Variants in GLIPR2 observed in about 807,000 individuals in gnomAD.
GLIPR2 encodes GLI pathogenesis related 2.
Under a neutral mutation model 20.4 loss-of-function variants are expected in GLIPR2, and 21 were observed. The observed-to-expected ratio is 1.03, with a 90% confidence interval of 0.73 to 1.48. The LOEUF (loss-of-function observed/expected upper bound fraction) is 1.48, where lower values mean the gene tolerates loss of function less well. GLIPR2 is among the 40% of genes most tolerant of loss of function. The pLI is 0.00. For missense variants in GLIPR2, 205 were observed against 200.1 expected (o/e 1.02, Z -0.15); for synonymous variants, 91 against 80.5 (o/e 1.13, Z -0.70).
At chr9:36,155,443 A>G (rs942015702) in intron 4 of GLIPR2, among the ~76,000 whole-genome samples, 1 of 152,082 alleles carries the variant, frequency 6.6e-6, no homozygotes, top group Non-Finnish European at 1.5e-5. Context: ...AAAATACAAA[A>G]ATTAGCCGGA....
intron 1 of GLIPR2, among the ~76,000 whole-genome samples, chr9:36,140,990 G>T (rs564168184): frequency 8.5e-4 from 129 of 152,316 alleles, no homozygotes; most frequent in African/African-American, 3.1e-3. Context: ...GTAAAGGCAG[G>T]GCAGGAGGGG....
At chr9:36,156,681 G>A (rs538000806) in intron 4 of GLIPR2, among the ~76,000 whole-genome samples, 4 of 152,298 alleles carry the variant, frequency 2.6e-5, no homozygotes, top group African/African-American at 9.6e-5. Flanking sequence ...ATTACTGCCT[G>A]AGCTCCGCCT....
At chr9:36,140,489 G>C (rs1165228324) in intron 1 of GLIPR2, among the ~76,000 whole-genome samples, 1 of 152,138 alleles carries the variant, frequency 6.6e-6, no homozygotes, top group Non-Finnish European at 1.5e-5. Flanking sequence ...ACACAGATGG[G>C]AAACCTGGGG....
intron 4 of GLIPR2, 137 bp from the exon 5 acceptor site, chr9:36,162,225 C>A: frequency 6.3e-7 from 1 of 1,575,720 alleles, no homozygotes; most frequent in East Asian, 2.3e-5. Flanking sequence ...CTCTCCTTCC[C>A]CTGCAGGGGG....
At chr9:36,153,711 G>T (rs1825702343) in intron 4 of GLIPR2, among the ~76,000 whole-genome samples, 2 of 151,956 alleles carry the variant, frequency 1.3e-5, no homozygotes, top group African/African-American at 4.8e-5. Context: ...GATCAGCCTG[G>T]CCAACATGGT....
intron 4 of GLIPR2, among the ~76,000 whole-genome samples, chr9:36,152,016 G>A (rs1207074069): frequency 3.3e-5 from 5 of 152,190 alleles, no homozygotes; most frequent in South Asian, 4.1e-4. Context: ...GAAGTGACAC[G>A]TTCTCAGCGC....
chr9:36,138,505 G>A (rs1159199843), intron 1 of GLIPR2, among the ~76,000 whole-genome samples: 1 of 152,110 alleles, frequency 6.6e-6, no homozygotes, highest in African/African-American at 2.4e-5. Context: ...TTACAGGTGC[G>A]CCCAGCCTAG....
At chr9:36,141,810 C>T (rs538893716) in intron 1 of GLIPR2, 49 of 453,868 alleles carry the variant, frequency 1.1e-4, no homozygotes, top group Non-Finnish European at 1.9e-4. Context: ...TGGGTCACCA[C>T]GCATGGCTAA....
At chr9:36,149,027 C>T (rs543988588) in intron 3 of GLIPR2, among the ~76,000 whole-genome samples, 3 of 152,256 alleles carry the variant, frequency 2.0e-5, no homozygotes, top group Non-Finnish European at 4.4e-5. Flanking sequence ...ATTTTCTTCC[C>T]GAGAAATTTT....
intron 1 of GLIPR2, among the ~76,000 whole-genome samples, chr9:36,146,537 C>T (rs1825333926): frequency 6.6e-6 from 1 of 152,156 alleles, no homozygotes; most frequent in African/African-American, 2.4e-5. Flanking sequence ...AGGCACAATT[C>T]CCCCAGAGAC....
intron 1 of GLIPR2, among the ~76,000 whole-genome samples, chr9:36,142,994 A>T (rs1825154320): frequency 6.6e-6 from 1 of 152,060 alleles, no homozygotes; most frequent in Non-Finnish European, 1.5e-5. Context: ...CTGGCTCAGG[A>T]GCCTGGCGTT....
chr9:36,153,224 C>T (rs764039802), intron 4 of GLIPR2, among the ~76,000 whole-genome samples: 3 of 152,116 alleles, frequency 2.0e-5, no homozygotes, highest in South Asian at 2.1e-4. Context: ...TCATGCCTTC[C>T]GTCCCTGATC....
At chr9:36,142,008 G>A (rs187111399) in intron 1 of GLIPR2, 1 of 391,412 alleles carries the variant, frequency 2.6e-6, no homozygotes, top group South Asian at 1.8e-5. Context: ...TAGCAGCTCT[G>A]ACCTTTATTT....
chr9:36,137,850 G>A (rs978837004), intron 1 of GLIPR2, among the ~76,000 whole-genome samples: 3 of 152,254 alleles, frequency 2.0e-5, no homozygotes, highest in African/African-American at 7.2e-5. Context: ...TCCAAGATCT[G>A]GACTCAGGAG....
chr9:36,139,027 G>A (rs58955585), intron 1 of GLIPR2, among the ~76,000 whole-genome samples: 2,461 of 152,134 alleles, frequency 0.016, 72 homozygotes, highest in African/African-American at 0.055. Context: ...GGAGACTGCC[G>A]CAGTCACAAA....
At chr9:36,146,597 C>T (rs1283473453) in intron 1 of GLIPR2, among the ~76,000 whole-genome samples, 1 of 152,180 alleles carries the variant, frequency 6.6e-6, no homozygotes, top group Non-Finnish European at 1.5e-5. Flanking sequence ...TTATCTATTC[C>T]AAAATACATT....
chr9:36,138,459 A>G (rs7865049), intron 1 of GLIPR2, among the ~76,000 whole-genome samples: 105 of 152,186 alleles, frequency 6.9e-4, no homozygotes, highest in African/African-American at 2.5e-3. Context: ...TCCTGACCTC[A>G]TGATCTGCCT....
At position 36,141,820 on chromosome 9, in the gene GLIPR2, A is replaced by ATTTT. The variant is rs34562409; in HGVS notation, c.13+5040_13+5043dup. 4.3e-4 allele frequency: 189 copies of ATTTT among 435,558 alleles called. 4 individuals carry two copies. The highest frequency in any genetic ancestry group is 4.7e-4 in the Non-Finnish European group (104 of 219,042). The allele number at this position is 435,558 out of a possible 1,614,324, so 27.0% of individuals were successfully genotyped here. On this transcript the variant is annotated intron_variant, in intron 1 of 4. Transcript: ENST00000377960. ...AGGCGTGGGTCACCACGCATGGCTA[A>ATTTT]TTTTTTTTTTTTTTGTCCTCCTCAG... is the stretch of plus-strand genomic sequence containing the variant.
At chr9:36,147,925 G>A in intron 2 of GLIPR2, 31 bp downstream of exon 2, 1 of 999,488 alleles carries the variant, frequency 1.0e-6, no homozygotes. Context: ...GGGTAACTTG[G>A]CCCTTCATGT....
Sources: allele counts gnomAD v4.1 joint callset (sites outside exome capture counted in the v4.1 genomes callset), GRCh38; gene constraint gnomAD v4.1.1; transcripts MANE v1.5; gene names NCBI Gene and HGNC (gene_info 2026-07-23, HGNC 2026-07-21).